PIK3C2G: variants seen among roughly 807,000 people sequenced by gnomAD.
The protein encoded by PIK3C2G is phosphatidylinositol 3-kinase C2 domain-containing subunit gamma.
Under a neutral mutation model 181.1 loss-of-function variants are expected in PIK3C2G, and 168 were observed. The observed-to-expected ratio is 0.93, with a 90% CI of 0.82 to 1.05. The LOEUF (loss-of-function observed/expected upper bound fraction) is 1.05. Among genes scored for constraint, PIK3C2G ranks in the 50% least tolerant of loss-of-function variants. PIK3C2G has a pLI of 0.00. For synonymous variants in PIK3C2G, 573 were observed against 592.2 expected, an observed-to-expected ratio of 0.97 and a Z score of 0.47; for missense variants, 1,869 against 1,732.8, an observed-to-expected ratio of 1.08 and a Z score of -1.40.
At chr12:18,291,100 AAAT>A in intron 4 of PIK3C2G, 88 bp downstream of exon 4, 1 of 707,458 alleles carries the variant, frequency 1.4e-6, no homozygotes, top group Non-Finnish European at 2.3e-6. Flanking sequence ...AGTTATTAAA[AAAT>A]AATATTAGCT....
intron 18 of PIK3C2G, among the ~76,000 whole-genome samples, chr12:18,432,724 G>A (rs1262675365): frequency 1.3e-5 from 2 of 152,180 alleles, no homozygotes; most frequent in African/African-American, 4.8e-5. Flanking sequence ...TAGAGTTACA[G>A]TATTTTGAAG....
intron 18 of PIK3C2G, among the ~76,000 whole-genome samples, chr12:18,473,789 G>A (rs1938695457): frequency 1.3e-5 from 2 of 152,034 alleles, no homozygotes; most frequent in South Asian, 4.2e-4. Flanking sequence ...TGATGCTTTT[G>A]ACAATGACAT....
chr12:18,646,191 C>A (rs2136846013), intron 32 of PIK3C2G, among the ~76,000 whole-genome samples: 1 of 152,236 alleles, frequency 6.6e-6, no homozygotes, highest in South Asian at 2.1e-4. Context: ...TTGTTTCATG[C>A]AGATTTTATT....
At chr12:18,405,712 T>C (rs562155135) in intron 16 of PIK3C2G, among the ~76,000 whole-genome samples, 11 of 152,250 alleles carry the variant, frequency 7.2e-5, no homozygotes, top group African/African-American at 2.6e-4. Flanking sequence ...GGAAATCAGG[T>C]AGTCACTGAT....
intron 16 of PIK3C2G, among the ~76,000 whole-genome samples, chr12:18,408,758 A>G (rs901841843): frequency 1.3e-5 from 2 of 152,142 alleles, no homozygotes; most frequent in Non-Finnish European, 2.9e-5. Context: ...AGGACTTCTC[A>G]AAAGAAGACA....
At chr12:18,264,051 T>G (rs1430638672) in intron 1 of PIK3C2G, among the ~76,000 whole-genome samples, 1 of 152,130 alleles carries the variant, frequency 6.6e-6, no homozygotes, top group Non-Finnish European at 1.5e-5. Context: ...TTGATTGATG[T>G]TTGTTGTTTT....
rs1330872263 is a variant in PIK3C2G at position 18,325,590 on chromosome 12, C to T, written c.1272+492C>T. The stretch of plus-strand genomic sequence containing the variant: ...GGGCGTGGTAGTGGGTGCCTGTAAT[C>T]CCAGCTACTTGGGAGGCTGAGGCAG... On this transcript the variant is annotated intron_variant, in intron 8 of 32. Coordinates refer to ENST00000538779, the MANE Select transcript of PIK3C2G (RefSeq NM_001288772.2). Among the ~76,000 whole-genome samples the T allele has an allele frequency of 5.3e-5, 8 of 151,812 alleles. No individual in the cohort carries two copies. In the East Asian group the frequency reaches 1.5e-3, roughly 29 times the overall value.
chr12:18,301,335 C>T (rs1487929917), intron 5 of PIK3C2G, among the ~76,000 whole-genome samples: 1 of 152,096 alleles, frequency 6.6e-6, no homozygotes, highest in Non-Finnish European at 1.5e-5. Flanking sequence ...TTATAGAACA[C>T]CCAAAATGTG....
chr12:18,650,589 G>T (rs1950404818), downstream of PIK3C2G, among the ~76,000 whole-genome samples: 1 of 147,852 alleles, frequency 6.8e-6, no homozygotes, highest in Non-Finnish European at 1.5e-5. Context: ...AAAATTTTGA[G>T]TGCTTGATAT....
intron 14 of PIK3C2G, among the ~76,000 whole-genome samples, chr12:18,390,897 C>A (rs1381583858): frequency 6.6e-6 from 1 of 152,026 alleles, no homozygotes; most frequent in Non-Finnish European, 1.5e-5. Flanking sequence ...ACCGGTGACC[C>A]ATCTATACCA....
the PIK3C2G span, among the ~76,000 whole-genome samples, chr12:18,718,875 T>G: frequency 6.6e-6 from 1 of 152,192 alleles, no homozygotes; most frequent in African/African-American, 2.4e-5. Context: ...TGAAGTCTGG[T>G]ATTAACAGTA....
chr12:18,489,342 A>C (rs187821607), intron 19 of PIK3C2G, among the ~76,000 whole-genome samples: 1 of 152,216 alleles, frequency 6.6e-6, no homozygotes, highest in Admixed American at 6.5e-5. Flanking sequence ...TTAAGGATAG[A>C]AAGATGACCA....
intron 29 of PIK3C2G, among the ~76,000 whole-genome samples, chr12:18,591,582 C>A (rs975493131): frequency 2.6e-5 from 4 of 151,700 alleles, no homozygotes; most frequent in African/African-American, 7.3e-5. Context: ...AAATATAATT[C>A]AGCAAAGGTA....
chr12:18,696,154 T>C, the PIK3C2G span: 1 of 1,490,146 alleles, frequency 6.7e-7, no homozygotes, highest in Non-Finnish European at 9.3e-7. Context: ...ACATACCCAT[T>C]TGACAACCTA....
At chr12:18,487,205 A>G (rs1255633553) in intron 18 of PIK3C2G, among the ~76,000 whole-genome samples, 1 of 151,954 alleles carries the variant, frequency 6.6e-6, no homozygotes, top group African/African-American at 2.4e-5. Context: ...AGAAAATAAA[A>G]GAGGTACTAG....
At chr12:18,337,091 G>A (rs1354230708) in intron 8 of PIK3C2G, among the ~76,000 whole-genome samples, 1 of 152,050 alleles carries the variant, frequency 6.6e-6, no homozygotes, top group African/African-American at 2.4e-5. Flanking sequence ...TTGGAAGGAC[G>A]GTGGTGCTGG....
chr12:18,283,920 G>A (rs899494469), intron 2 of PIK3C2G, among the ~76,000 whole-genome samples: 10 of 152,128 alleles, frequency 6.6e-5, no homozygotes, highest in Non-Finnish European at 1.3e-4. Context: ...CTCAGTCTGT[G>A]CCTGAGGGTA....
rs61662525 is a variant in PIK3C2G, at chr12:18,467,485, G to A, written c.2505-20964G>A. On this transcript the variant is annotated intron_variant, in intron 18 of 32. Transcript: ENST00000538779. ...TTTGTTTTACAAAATTTTATTTACAGGTTTTTTTTTTTTCAGACACTTTTC... is the reference window on the plus strand; with the variant it reads ...TTTGTTTTACAAAATTTTATTTACAAGTTTTTTTTTTTTCAGACACTTTTC... Among the ~76,000 whole-genome samples, 3 of 143,092 alleles carry A rather than the reference G, an allele frequency of 2.1e-5. No homozygotes were observed. The East Asian group carries it at 5.9e-4, about 28-fold the overall frequency. The allele number at this position is 143,092 out of a possible 152,430, so 93.9% of individuals were successfully genotyped here. A position where few individuals can be genotyped will look rare whatever the true frequency, so the allele number is the denominator to read the frequency against.
At chr12:18,692,452 G>A in the PIK3C2G span, among the ~76,000 whole-genome samples, 1 of 152,064 alleles carries the variant, frequency 6.6e-6, no homozygotes, top group Non-Finnish European at 1.5e-5. Flanking sequence ...AAAGAAAAAC[G>A]TTTTGAAAAG....
Sources: gnomAD v4.1 joint callset for allele counts (sites outside exome capture counted in the v4.1 genomes callset) on GRCh38, gnomAD v4.1.1 for gene constraint, MANE v1.5 for transcripts, NCBI Gene and HGNC (gene_info 2026-07-23, HGNC 2026-07-21) for gene names.